Variants in ZNF69 observed in about 807,000 individuals in gnomAD.
ZNF69 encodes the protein ZNF3.
Under a neutral mutation model 50.9 loss-of-function variants are expected in ZNF69, and 47 were observed. The observed-to-expected ratio is 0.92, with a 90% confidence interval of 0.73 to 1.18. The LOEUF is 1.18. Ranked by LOEUF, ZNF69 falls within the 50% of genes most tolerant of loss-of-function variation. The pLI is 0.00. For missense variants in ZNF69, 717 were observed against 675.1 expected (o/e 1.06, Z -0.69); for synonymous variants, 216 against 223.1 (o/e 0.97, Z 0.29).
At chr19:11,951,055 G>T in the ZNF69 span, among the ~76,000 whole-genome samples, 1 of 149,520 alleles carries the variant, frequency 6.7e-6, no homozygotes, top group Non-Finnish European at 1.5e-5. Context: ...GGAGGCTGAG[G>T]CAGGAGAATC....
the ZNF69 span, chr19:11,949,383 A>G: frequency 6.2e-7 from 1 of 1,613,908 alleles, no homozygotes; most frequent in African/African-American, 1.3e-5. Flanking sequence ...AATGTGGGAA[A>G]GCCTTCAGAT....
the ZNF69 span, among the ~76,000 whole-genome samples, chr19:11,970,109 G>T: frequency 6.6e-6 from 1 of 152,206 alleles, no homozygotes; most frequent in East Asian, 1.9e-4. Context: ...TTCTTGGGGT[G>T]CTCAGCTTCT....
chr19:11,895,957 C>T (rs982017684), intron 1 of ZNF69, among the ~76,000 whole-genome samples: 44 of 152,180 alleles, frequency 2.9e-4, no homozygotes, highest in East Asian at 2.5e-3. Flanking sequence ...TGGTGGCTGA[C>T]GCCTGTAATC....
Position 11,906,393 on chromosome 19 carries a change from T to C in ZNF69, c.*295T>C. 1.8e-6 allele frequency: 1 copy of C among 565,776 alleles called. No individual in the cohort carries two copies. The highest frequency in any genetic ancestry group is 2.5e-6 in the Non-Finnish European group (1 of 404,778). The allele number at this position is 565,776 out of a possible 1,614,324, so 35.0% of individuals were successfully genotyped here. A position where few individuals can be genotyped will look rare whatever the true frequency, so the allele number is the denominator to read the frequency against. On this transcript the variant is annotated 3_prime_UTR_variant, in exon 4 of 4. Transcript: ENST00000429654. ...TCTGCCTCCTCAAGTGGGTCCCTGA[T>C]CTCCAAGTAGCCTAACTGGGAGGCA...
At chr19:11,978,713 A>T in the ZNF69 span, 1 of 1,614,200 alleles carries the variant, frequency 6.2e-7, no homozygotes, top group Non-Finnish European at 8.5e-7. Context: ...AATGTGGGAA[A>T]GCATTCCATA....
chr19:11,979,874 A>G, the ZNF69 span: 8 of 1,464,432 alleles, frequency 5.5e-6, no homozygotes, highest in Non-Finnish European at 7.6e-6. Context: ...ACACGTAAGA[A>G]TGCACTCTGT....
chr19:11,930,355 G>A, the ZNF69 span, among the ~76,000 whole-genome samples: 1 of 148,476 alleles, frequency 6.7e-6, no homozygotes, highest in East Asian at 1.9e-4. Context: ...CTGTCCTACA[G>A]GGAGGTGGTC....
chr19:11,939,414 G>A, the ZNF69 span, among the ~76,000 whole-genome samples: 1 of 152,286 alleles, frequency 6.6e-6, no homozygotes, highest in Admixed American at 6.5e-5. Context: ...AAGGCGTAAG[G>A]AAGGGATCCA....
the ZNF69 span, among the ~76,000 whole-genome samples, chr19:11,937,843 G>A: frequency 6.6e-6 from 1 of 152,008 alleles, no homozygotes; most frequent in Non-Finnish European, 1.5e-5. Context: ...ATCTTCTCTT[G>A]TATAGTTCAT....
downstream of ZNF69, among the ~76,000 whole-genome samples, chr19:11,916,202 C>T (rs929154363): frequency 2.0e-5 from 3 of 151,730 alleles, no homozygotes; most frequent in Admixed American, 1.3e-4. Context: ...CAGTTCATAA[C>T]AAAAAAGTCT....
At position 11,905,217 on chromosome 19, in the gene ZNF69, A is replaced by G. The variant is rs1296082521; in HGVS notation, c.820A>G (p.Lys274Glu). The change falls in exon 4 of 4, where the codon AAG becomes GAG. Residue 274 changes from lysine (K) to glutamate (E), a missense_variant. By Grantham distance (56) the Lys-to-Glu change is moderately conservative. Coordinates refer to ENST00000429654, the MANE Select transcript of ZNF69 (RefSeq NM_001364730.1). ...RIHERTHTGE[K>E]PYECQQCGKA... ...ACACGAAAGAACTCACACTGGAGAAAAGCCTTATGAATGTCAGCAATGTGG... is the reference window on the plus strand; with the variant it reads ...ACACGAAAGAACTCACACTGGAGAAGAGCCTTATGAATGTCAGCAATGTGG... 9 of 1,614,050 alleles carry G rather than the reference A, an allele frequency of 5.6e-6. No individual in the cohort carries two copies. The highest frequency in any genetic ancestry group is 7.6e-6 in the Non-Finnish European group (9 of 1,180,048).
At chr19:11,945,849 G>A in the ZNF69 span, among the ~76,000 whole-genome samples, 1,919 of 152,176 alleles carry the variant, frequency 0.013, 23 homozygotes, top group South Asian at 0.024. Context: ...GCAAGGAGAA[G>A]TCGGGCATGT....
At chr19:11,970,559 A>G in the ZNF69 span, among the ~76,000 whole-genome samples, 1 of 152,258 alleles carries the variant, frequency 6.6e-6, no homozygotes, top group Non-Finnish European at 1.5e-5. Flanking sequence ...TCTCCTGTAG[A>G]TAACCATTTG....
the ZNF69 span, among the ~76,000 whole-genome samples, chr19:11,952,442 T>C: frequency 3.3e-5 from 5 of 152,358 alleles, no homozygotes; most frequent in South Asian, 1.0e-3. Context: ...GATAATGTGC[T>C]GTTGATGCTA....
At chr19:11,899,410 G>A (rs748969189) in intron 1 of ZNF69, among the ~76,000 whole-genome samples, 27 of 152,044 alleles carry the variant, frequency 1.8e-4, no homozygotes, top group Non-Finnish European at 3.4e-4. Flanking sequence ...TTCCACTTGT[G>A]AGCCACCATG....
At chr19:11,947,575 G>A in the ZNF69 span, 377 of 1,613,090 alleles carry the variant, frequency 2.3e-4, 3 homozygotes, top group African/African-American at 4.6e-3. Context: ...GAAGCTTCAG[G>A]TAATTTGCAT....
the ZNF69 span, chr19:11,948,252 T>C: frequency 6.2e-6 from 10 of 1,604,982 alleles, no homozygotes; most frequent in Middle Eastern, 1.7e-4. Flanking sequence ...AAACCCTTCA[T>C]GATGTGTTTC....
At chr19:11,972,006 G>A in the ZNF69 span, among the ~76,000 whole-genome samples, 2 of 151,436 alleles carry the variant, frequency 1.3e-5, no homozygotes, top group Non-Finnish European at 2.9e-5. Context: ...AGATTGCAGT[G>A]AGCCAAGATG....
chr19:11,911,425 A>T (rs1484719119), downstream of ZNF69, among the ~76,000 whole-genome samples: 1 of 152,198 alleles, frequency 6.6e-6, no homozygotes, highest in Non-Finnish European at 1.5e-5. Context: ...AACCAAACCA[A>T]ATGTCCATCA....
Sources: gnomAD v4.1 joint callset for allele counts (sites outside exome capture counted in the v4.1 genomes callset) on GRCh38, gnomAD v4.1.1 for gene constraint, MANE v1.5 for transcripts, NCBI Gene and HGNC (gene_info 2026-07-23, HGNC 2026-07-21) for gene names.